TMEFF2: variants seen among roughly 807,000 people sequenced by gnomAD.
TMEFF2 encodes transmembrane protein with EGF like and two follistatin like domains 2.
TMEFF2 carries 28 observed loss-of-function variants against 53.8 expected under a neutral mutation model. That is an observed-to-expected ratio of 0.52 (90% CI 0.39 to 0.71). The LOEUF (loss-of-function observed/expected upper bound fraction) is 0.71, where lower values mean the gene tolerates loss of function less well. Among genes scored for constraint, TMEFF2 ranks in the 30% least tolerant of loss-of-function variants. The pLI is 0.00. For missense variants in TMEFF2, 353 were observed against 455.2 expected (o/e 0.78, Z 2.04); for synonymous variants, 162 against 166.3 (o/e 0.97, Z 0.20).
intron 4 of TMEFF2, among the ~76,000 whole-genome samples, chr2:192,111,528 C>T (rs1235161563): frequency 1.3e-5 from 2 of 152,086 alleles, no homozygotes; most frequent in Admixed American, 6.6e-5. Flanking sequence ...CTGTTAAAAG[C>T]ATTCAGTTTT....
chr2:192,106,938 C>CT (rs1330931193), intron 4 of TMEFF2, among the ~76,000 whole-genome samples: 1 of 151,448 alleles, frequency 6.6e-6, no homozygotes, highest in Non-Finnish European at 1.5e-5. Context: ...GTAAGTAGGA[C>CT]TTTTATAGGT....
intron 7 of TMEFF2, among the ~76,000 whole-genome samples, chr2:191,962,091 G>T (rs1196475857): frequency 6.6e-6 from 1 of 152,188 alleles, no homozygotes; most frequent in African/African-American, 2.4e-5. Context: ...CTCTGTTAAA[G>T]ACTTAGAAAA....
At chr2:192,038,015 C>T (rs1427188286) in intron 5 of TMEFF2, 1 of 152,212 alleles carries the variant, frequency 6.6e-6, no homozygotes, top group Non-Finnish European at 1.5e-5. Flanking sequence ...GGAGGAAAGT[C>T]ACGACTAACC....
At chr2:192,054,392 C>T (rs1687850713) in intron 5 of TMEFF2, among the ~76,000 whole-genome samples, 1 of 152,120 alleles carries the variant, frequency 6.6e-6, no homozygotes. Context: ...TTCTCCATGA[C>T]TAAGGTTCTC....
intron 4 of TMEFF2, among the ~76,000 whole-genome samples, chr2:192,106,252 C>CA (rs901044058): frequency 2.0e-5 from 3 of 151,338 alleles, no homozygotes; most frequent in Admixed American, 2.0e-4. Flanking sequence ...CCATTAAACA[C>CA]AAAAATATAT....
At chr2:192,039,613 G>A (rs548457212) in intron 5 of TMEFF2, among the ~76,000 whole-genome samples, 53 of 152,194 alleles carry the variant, frequency 3.5e-4, no homozygotes, top group Admixed American at 3.1e-3. Flanking sequence ...CACAAACCAA[G>A]TCATCTAATT....
intron 7 of TMEFF2, among the ~76,000 whole-genome samples, chr2:191,989,377 G>C (rs1200388711): frequency 1.3e-5 from 2 of 152,154 alleles, no homozygotes; most frequent in African/African-American, 4.8e-5. Flanking sequence ...GGAGGTCCTA[G>C]CCAAGGACAC....
chr2:192,158,843 G>A (rs1223309852), intron 4 of TMEFF2, among the ~76,000 whole-genome samples: 1 of 152,198 alleles, frequency 6.6e-6, no homozygotes, highest in East Asian at 1.9e-4. Context: ...GAGCAAATCG[G>A]AAAATGATAA....
At chr2:192,134,914 C>T (rs949794872) in intron 4 of TMEFF2, among the ~76,000 whole-genome samples, 8 of 152,184 alleles carry the variant, frequency 5.3e-5, no homozygotes, top group African/African-American at 1.7e-4. Context: ...CTATTAAAAA[C>T]ACACCTCACC....
At chr2:192,023,880 T>C (rs1686913486) in intron 5 of TMEFF2, among the ~76,000 whole-genome samples, 1 of 152,104 alleles carries the variant, frequency 6.6e-6, no homozygotes, top group Non-Finnish European at 1.5e-5. Flanking sequence ...TTAGCAACTT[T>C]CATTGAGTAA....
intron 4 of TMEFF2, among the ~76,000 whole-genome samples, chr2:192,171,832 A>G (rs1574433713): frequency 6.6e-6 from 1 of 151,934 alleles, no homozygotes; most frequent in South Asian, 2.1e-4. Context: ...CCATATGACA[A>G]TCTGTGTTTT....
intron 5 of TMEFF2, among the ~76,000 whole-genome samples, chr2:192,034,174 CAAAAA>C (rs5837274): frequency 2.8e-5 from 3 of 105,360 alleles, no homozygotes; most frequent in Admixed American, 1.1e-4. Flanking sequence ...GACTCCATTT[CAAAAA>C]AAAAAAAAAA....
intron 5 of TMEFF2, among the ~76,000 whole-genome samples, chr2:192,050,128 G>A (rs1687731597): frequency 1.3e-5 from 2 of 152,302 alleles, no homozygotes; most frequent in South Asian, 4.1e-4. Flanking sequence ...AGTATTTTAT[G>A]ATTTTGATAT....
chr2:192,082,046 C>A (rs1487123421), intron 4 of TMEFF2, among the ~76,000 whole-genome samples: 1 of 152,058 alleles, frequency 6.6e-6, no homozygotes, highest in African/African-American at 2.4e-5. Flanking sequence ...ATGATCCACC[C>A]GTCTTGGCCT....
At chr2:191,961,801 A>G (rs1004288925) in intron 7 of TMEFF2, among the ~76,000 whole-genome samples, 5 of 152,152 alleles carry the variant, frequency 3.3e-5, no homozygotes, top group African/African-American at 9.7e-5. Context: ...AAGACTAGAA[A>G]AGCATTCCTA....
intron 4 of TMEFF2, among the ~76,000 whole-genome samples, chr2:192,080,958 G>A (rs4377280): frequency 0.034 from 5,228 of 152,000 alleles, 287 homozygotes; most frequent in African/African-American, 0.12. Context: ...TTTATTTGTC[G>A]TTGCTGAATA....
rs1372684184 is a variant in TMEFF2 at position 192,179,407 on chromosome 2, T to C, written c.439+261A>G. ...AGTTTTTACATTATGCCTATCCATA[T>C]CAAAGATAACTTACAAACAAACAAA... On this transcript the variant is annotated intron_variant, in intron 4 of 9. Coordinates refer to ENST00000272771, the MANE Select transcript of TMEFF2 (RefSeq NM_016192.4). 3 of 383,532 alleles carry C rather than the reference T, an allele frequency of 7.8e-6. No individual in the cohort carries two copies. The East Asian group carries it at 1.2e-4, about 15-fold the overall frequency. The allele number at this position is 383,532 out of a possible 1,614,324, so 23.8% of individuals were successfully genotyped here.
At chr2:192,133,643 C>T (rs1045225023) in intron 4 of TMEFF2, among the ~76,000 whole-genome samples, 7 of 152,172 alleles carry the variant, frequency 4.6e-5, no homozygotes, top group Non-Finnish European at 8.8e-5. Flanking sequence ...CTCCACAATC[C>T]GTTATTCTGT....
chr2:192,162,311 T>C (rs1473989276), intron 4 of TMEFF2, among the ~76,000 whole-genome samples: 2 of 152,188 alleles, frequency 1.3e-5, no homozygotes, highest in Non-Finnish European at 2.9e-5. Flanking sequence ...CTGTTATTTA[T>C]GGATTAAAAA....
Sources: allele counts gnomAD v4.1 joint callset (sites outside exome capture counted in the v4.1 genomes callset), GRCh38; gene constraint gnomAD v4.1.1; transcripts MANE v1.5; gene names NCBI Gene and HGNC (gene_info 2026-07-23, HGNC 2026-07-21).